The following ASXL2 variants were observed in gnomAD, a reference collection of about 807,000 sequenced individuals.
The protein encoded by ASXL2 is putative Polycomb group protein ASXL2.
Under a neutral mutation model 122.0 loss-of-function variants are expected in ASXL2, and 23 were observed. The ratio of observed to expected loss-of-function variants is 0.19; its 90% CI spans 0.14 to 0.27. ASXL2 has a LOEUF of 0.27. ASXL2 is among the 10% of genes least tolerant of loss of function. The pLI is 1.00. For synonymous variants in ASXL2, 650 were observed against 637.0 expected, an observed-to-expected ratio of 1.02 and a Z score of -0.31; for missense variants, 1,518 against 1,713.8, an observed-to-expected ratio of 0.89 and a Z score of 2.02.
chr2:25,877,679 CAG>C (rs891817513), intron 1 of ASXL2, among the ~76,000 whole-genome samples: 16 of 152,340 alleles, frequency 1.1e-4, no homozygotes, highest in African/African-American at 3.6e-4. Context: ...GCCAGACAAA[CAG>C]GGGGCCCGGG....
rs546442544 is a variant in ASXL2 at position 25,851,104 on chromosome 2, C to T, written c.58-5541G>A. On this transcript the variant is annotated intron_variant, in intron 1 of 12. Transcript: ENST00000435504. ...AAAGTTGCAATGAGCCAACATTGTG[C>T]CACTGCACTCCAGCCTGGGCAACAA... Among the ~76,000 whole-genome samples, 18 of 151,580 alleles carry T rather than the reference C, an allele frequency of 1.2e-4. No individual in the cohort carries two copies. In the South Asian group the frequency reaches 3.7e-3, roughly 32 times the overall value.
chr2:25,764,956 A>T (rs2088318266), intron 8 of ASXL2, among the ~76,000 whole-genome samples: 1 of 152,172 alleles, frequency 6.6e-6, no homozygotes, highest in African/African-American at 2.4e-5. Flanking sequence ...TAATTTTAGT[A>T]AAGATGACTT....
intron 1 of ASXL2, among the ~76,000 whole-genome samples, chr2:25,866,376 G>A (rs764033484): frequency 1.1e-4 from 16 of 152,078 alleles, no homozygotes; most frequent in African/African-American, 2.7e-4. Flanking sequence ...TGAGTCGCCC[G>A]CCTTGGCCTC....
rs1458573449 is a variant in ASXL2 at position 25,738,112 on chromosome 2, G to T, written c.*3917C>A. 6.6e-6 allele frequency: 1 copy of T among 151,982 alleles called. No homozygotes were observed. The highest frequency in any genetic ancestry group is 2.1e-4 in the South Asian group (1 of 4,826). 9.4% of individuals were successfully genotyped at this position (151,982 alleles called of 1,614,324 possible). A position where few individuals can be genotyped will look rare whatever the true frequency, so the allele number is the denominator to read the frequency against. ...AAATAATTTGTGCCTTAACAGTGAG[G>T]TCCTACATCAAACATACCATATATG... On this transcript the variant is annotated 3_prime_UTR_variant, in exon 13 of 13. Transcript: ENST00000435504.
intron 3 of ASXL2, chr2:25,822,397 A>T (rs1012890101): frequency 1.3e-5 from 3 of 234,944 alleles, no homozygotes; most frequent in African/African-American, 7.0e-5. Context: ...ACCGGAGAGA[A>T]GTCGACTCCC....
intron 1 of ASXL2, among the ~76,000 whole-genome samples, chr2:25,877,476 G>A (rs1303676828): frequency 2.6e-5 from 4 of 152,016 alleles, no homozygotes; most frequent in Admixed American, 6.6e-5. Flanking sequence ...TTTGGCTAGG[G>A]TAACGTGAAG....
At chr2:25,778,971 A>C (rs909685440) in intron 5 of ASXL2, among the ~76,000 whole-genome samples, 1 of 152,160 alleles carries the variant, frequency 6.6e-6, no homozygotes, top group Admixed American at 6.5e-5. Context: ...CTAGTTCTAG[A>C]ACTTTTCAGT....
intron 4 of ASXL2, among the ~76,000 whole-genome samples, chr2:25,805,509 A>C (rs2149174063): frequency 6.6e-6 from 1 of 152,146 alleles, no homozygotes; most frequent in African/African-American, 2.4e-5. Flanking sequence ...ACAGCAATAA[A>C]AAATTATTAA....
At chr2:25,747,071 T>C (rs1018547936) in intron 12 of ASXL2, among the ~76,000 whole-genome samples, 3 of 152,218 alleles carry the variant, frequency 2.0e-5, no homozygotes, top group Non-Finnish European at 4.4e-5. Context: ...CCTAACATAA[T>C]GTAAATGCTA....
intron 1 of ASXL2, among the ~76,000 whole-genome samples, chr2:25,848,252 T>G (rs1010079505): frequency 1.3e-5 from 2 of 152,262 alleles, no homozygotes; most frequent in African/African-American, 4.8e-5. Context: ...TACTTTCTAA[T>G]ATATTCTGCA....
At chr2:25,877,899 T>C (rs1367449783) in intron 1 of ASXL2, among the ~76,000 whole-genome samples, 2 of 152,124 alleles carry the variant, frequency 1.3e-5, no homozygotes, top group African/African-American at 2.4e-5. Flanking sequence ...GGAGGTGATA[T>C]CGGCTCGACC....
intron 1 of ASXL2, among the ~76,000 whole-genome samples, chr2:25,851,059 T>A (rs1251171427): frequency 6.6e-6 from 1 of 150,862 alleles, no homozygotes; most frequent in Non-Finnish European, 1.5e-5. Flanking sequence ...GGCAGGAGAA[T>A]CACTTGAACC....
chr2:25,821,372 G>A (rs920943708), intron 3 of ASXL2, among the ~76,000 whole-genome samples: 1 of 151,598 alleles, frequency 6.6e-6, no homozygotes. Context: ...AAAGAAAAAG[G>A]GGAAAGGGAA....
At chr2:25,799,250 C>T in intron 5 of ASXL2, 135 bp downstream of exon 5, 1 of 1,212,712 alleles carries the variant, frequency 8.2e-7, no homozygotes, top group Middle Eastern at 2.7e-4. Flanking sequence ...TTGCAGAAAA[C>T]TCTCCTTGAC....
intron 10 of ASXL2, among the ~76,000 whole-genome samples, chr2:25,754,984 G>C (rs1045400352): frequency 1.3e-5 from 2 of 152,172 alleles, no homozygotes; most frequent in Non-Finnish European, 2.9e-5. Flanking sequence ...TTATATATTA[G>C]CTGTTCACTT....
In ASXL2 at chr2:25,743,970, G is replaced by A. The variant is rs372356450; in HGVS notation, c.2367C>T (p.Cys789=). The A allele has an allele frequency of 1.2e-6, 2 of 1,613,904 alleles. No homozygotes were observed. The highest frequency in any genetic ancestry group is 1.7e-6 in the Non-Finnish European group (2 of 1,179,892). Residue 789 remains cysteine (C), a synonymous_variant, in exon 13 of 13, where the codon TGC becomes TGT. Coordinates refer to ENST00000435504, the MANE Select transcript of ASXL2 (RefSeq NM_018263.6). The part of the protein sequence containing the change: ...VPPTPAVSGA[C]TSVPSPAHIE... ...TGTGGGCTGGTGATGGGACACTTGT[G>A]CATGCTCCACTGACGGCAGGTGTTG... is the stretch of plus-strand genomic sequence containing the variant.
Position 25,759,486 on chromosome 2 carries a change from C to T in ASXL2, c.935G>A (p.Arg312Gln), listed in dbSNP as rs770538687. ...TTAAGGAGTTCAATGACGCACCTGT[C>T]GATCTACCTCTGGGAGTAGTAAAAG... ...RLLLLLPEVD[R>Q]QVGPDGLMKL... Residue 312 changes from arginine (R) to glutamine (Q), a missense_variant, in exon 9 of 13, where the codon CGA (arginine) becomes CAA (glutamine). Around this residue, in one of 8 missense-constraint regions of ASXL2, gnomAD observed 92 missense variants for 156.6 expected, o/e 0.59. Transcript: ENST00000435504. 18 of 1,613,164 alleles carry T rather than the reference C, an allele frequency of 1.1e-5. No homozygotes were observed. The South Asian group carries it at 1.3e-4, about 12-fold the overall frequency.
chr2:25,819,664 T>G (rs1391988735), intron 3 of ASXL2, among the ~76,000 whole-genome samples: 1 of 152,112 alleles, frequency 6.6e-6, no homozygotes, highest in African/African-American at 2.4e-5. Flanking sequence ...TGTCTAGTCA[T>G]GAAAGATAAA....
chr2:25,835,202 T>C (rs930470979), intron 3 of ASXL2, among the ~76,000 whole-genome samples: 2 of 152,192 alleles, frequency 1.3e-5, no homozygotes, highest in Non-Finnish European at 2.9e-5. Flanking sequence ...AATGTTAATA[T>C]ACATGTTTCC....
Sources: gnomAD v4.1 joint callset for allele counts (sites outside exome capture counted in the v4.1 genomes callset) on GRCh38, gnomAD v4.1.1 for gene constraint, gnomAD v4.1.1 regional missense constraint, MANE v1.5 for transcripts, NCBI Gene and HGNC (gene_info 2026-07-23, HGNC 2026-07-21) for gene names.